Variants in MTPAP observed in about 807,000 individuals in gnomAD.
MTPAP encodes mitochondrial poly(A) polymerase, also known as poly(A) RNA polymerase, mitochondrial.
MTPAP carries 23 observed loss-of-function variants against 48.7 expected under a neutral mutation model. That is an observed-to-expected ratio of 0.47 (90% CI 0.34 to 0.67). MTPAP has a LOEUF of 0.67. MTPAP is among the 30% of genes least tolerant of loss of function. The pLI, the probability that MTPAP is intolerant of heterozygous loss-of-function variation, is 0.01. For synonymous variants in MTPAP, 257 were observed against 254.1 expected (o/e 1.01, Z -0.11); for missense variants, 614 against 694.3 (o/e 0.88, Z 1.30).
intron 5 of MTPAP, among the ~76,000 whole-genome samples, chr10:30,325,935 C>T (rs1399526243): frequency 3.3e-5 from 5 of 151,938 alleles, no homozygotes; most frequent in African/African-American, 1.2e-4. Flanking sequence ...ACTTTTGGAC[C>T]TAAGTAAAGG....
In MTPAP at chr10:30,316,038, T is replaced by C; in HGVS notation, c.1313-2A>G. 1 of 1,611,940 alleles carries C rather than the reference T, an allele frequency of 6.2e-7. No individual in the cohort carries two copies. The highest frequency in any genetic ancestry group is 8.5e-7 in the Non-Finnish European group (1 of 1,178,446). On this transcript the variant is annotated splice_acceptor_variant, in intron 7 of 8. Coordinates refer to ENST00000263063, the MANE Select transcript of MTPAP (RefSeq NM_018109.4). LOFTEE classifies it high-confidence loss of function. Reference sequence around the variant, plus strand: ...CAAAAAATTCCTTCAGTAGTAATTCTGTAAGAAAATAAAACAAGGACAATC... The same window carrying C: ...CAAAAAATTCCTTCAGTAGTAATTCCGTAAGAAAATAAAACAAGGACAATC...
chr10:30,320,012 G>A (rs1410006714), intron 6 of MTPAP, among the ~76,000 whole-genome samples: 1 of 152,220 alleles, frequency 6.6e-6, no homozygotes, highest in Non-Finnish European at 1.5e-5. Flanking sequence ...TAAAATCCCA[G>A]CACTTGGGGA....
At chr10:30,341,177 C>T (rs1037907817) in intron 2 of MTPAP, among the ~76,000 whole-genome samples, 13 of 151,120 alleles carry the variant, frequency 8.6e-5, no homozygotes, top group Non-Finnish European at 5.9e-5. Flanking sequence ...TACCTGCCAA[C>T]AGCCACTGCA....
At chr10:30,346,272 T>G (rs1834872768) in intron 1 of MTPAP, among the ~76,000 whole-genome samples, 1 of 152,070 alleles carries the variant, frequency 6.6e-6, no homozygotes, top group Non-Finnish European at 1.5e-5. Flanking sequence ...AAAATCCAAA[T>G]TTAAGGGGTA....
intron 6 of MTPAP, among the ~76,000 whole-genome samples, chr10:30,320,345 C>T (rs1178985226): frequency 1.3e-5 from 2 of 151,990 alleles, no homozygotes; most frequent in East Asian, 1.9e-4. Flanking sequence ...GGAAACATGG[C>T]GAGACCCCGT....
rs534052627 is a variant in MTPAP, at chr10:30,341,727, A to G, written c.158-87T>C. On this transcript the variant is annotated intron_variant, in intron 1 of 8. Transcript: ENST00000263063. ...GATAAGGTGTTTAAAGACTTCATAT[A>G]TGACTAAAACCAACTTCACCTAATC... 3.9e-4 allele frequency: 574 copies of G among 1,456,340 alleles called. 11 individuals carry two copies. In the South Asian group the frequency reaches 6.3e-3, roughly 16 times the overall value. 90.2% of individuals were successfully genotyped at this position (1,456,340 alleles called of 1,614,324 possible). A position where few individuals can be genotyped will look rare whatever the true frequency, so the allele number is the denominator to read the frequency against.
intron 2 of MTPAP, among the ~76,000 whole-genome samples, chr10:30,341,041 G>A (rs1018217981): frequency 2.0e-5 from 3 of 152,112 alleles, no homozygotes; most frequent in Non-Finnish European, 4.4e-5. Context: ...GCCTTCATCC[G>A]CAAGTTAAAG....
rs553526643 is a variant in MTPAP at position 30,314,418 on chromosome 10, G to A, written c.1387-447C>T. On this transcript the variant is annotated intron_variant, in intron 8 of 8. Coordinates refer to ENST00000263063, the MANE Select transcript of MTPAP (RefSeq NM_018109.4). ...AGCATACCTATTATGGTAGAAACAG[G>A]AACACACAAAATTAGAACCCTTAAA... Among the ~76,000 whole-genome samples the A allele has an allele frequency of 3.3e-5, 5 of 152,076 alleles. No individual in the cohort carries two copies. In the South Asian group the frequency reaches 1.0e-3, roughly 32 times the overall value.
Position 30,313,480 on chromosome 10 carries a change from A to C in MTPAP, c.*129T>G, listed in dbSNP as rs1840622808. The C allele has an allele frequency of 7.6e-7, 1 of 1,320,170 alleles. No homozygotes were observed. Among genetic ancestry groups the C allele is most frequent in the African/African-American group, 1.5e-5 (1 of 68,964 alleles). 81.8% of individuals were successfully genotyped at this position (1,320,170 alleles called of 1,614,324 possible). A position where few individuals can be genotyped will look rare whatever the true frequency, so the allele number is the denominator to read the frequency against. On this transcript the variant is annotated 3_prime_UTR_variant, in exon 9 of 9. Coordinates refer to ENST00000263063, the MANE Select transcript of MTPAP (RefSeq NM_018109.4). ...ACTTCAGACCAGGTTAAGGGGGCCA[A>C]TGAGAAGATCATGAAAAGTGACATC...
intron 1 of MTPAP, among the ~76,000 whole-genome samples, chr10:30,348,511 A>G (rs1834896812): frequency 6.6e-6 from 1 of 152,240 alleles, no homozygotes; most frequent in South Asian, 2.1e-4. Flanking sequence ...AGGTTCAATA[A>G]CACTGGCTTC....
intron 4 of MTPAP, among the ~76,000 whole-genome samples, chr10:30,336,051 C>T (rs1834727392): frequency 1.3e-5 from 2 of 151,808 alleles, no homozygotes; most frequent in African/African-American, 4.8e-5. Context: ...AGCAAAAGCA[C>T]AGAAAATAGG....
At position 30,311,505 on chromosome 10, in the gene MTPAP, G is replaced by C. The variant is rs560610244; in HGVS notation, c.*2104C>G. ...GTTAAAGAGAAGTAACATTTACTTCGCGCCAGGAAAATGCACTGACCTAGC... is the reference window on the plus strand; with the variant it reads ...GTTAAAGAGAAGTAACATTTACTTCCCGCCAGGAAAATGCACTGACCTAGC... On this transcript the variant is annotated 3_prime_UTR_variant, in exon 9 of 9. Coordinates refer to ENST00000263063, the MANE Select transcript of MTPAP (RefSeq NM_018109.4). The C allele has an allele frequency of 6.6e-6, 1 of 152,018 alleles. No individual in the cohort carries two copies. The highest frequency in any genetic ancestry group is 2.4e-5 in the African/African-American group (1 of 41,394). The allele number at this position is 152,018 out of a possible 1,614,324, so 9.4% of individuals were successfully genotyped here. A position where few individuals can be genotyped will look rare whatever the true frequency, so the allele number is the denominator to read the frequency against.
chr10:30,340,525 A>G (rs777418479), intron 2 of MTPAP, 75 bp from the exon 3 acceptor site: 63 of 1,047,866 alleles, frequency 6.0e-5, no homozygotes, highest in Admixed American at 5.0e-4. Flanking sequence ...TCATATATTA[A>G]AACAATTATC....
intron 4 of MTPAP, among the ~76,000 whole-genome samples, chr10:30,332,735 A>C (rs1434501377): frequency 6.6e-6 from 1 of 152,198 alleles, no homozygotes; most frequent in Admixed American, 6.5e-5. Flanking sequence ...CTATAATCTC[A>C]GCACTTTGGG....
intron 6 of MTPAP, 90 bp from the exon 7 acceptor site, chr10:30,316,300 C>T (rs569340998): frequency 1.8e-5 from 18 of 1,000,248 alleles, no homozygotes; most frequent in South Asian, 4.1e-5. Context: ...TGGAGTGTAG[C>T]GGCATGATCT....
intron 6 of MTPAP, among the ~76,000 whole-genome samples, chr10:30,321,671 AG>A (rs1840727442): frequency 6.6e-6 from 1 of 152,248 alleles, no homozygotes; most frequent in Non-Finnish European, 1.5e-5. Flanking sequence ...TTGCCTCTTA[AG>A]GTCATTTTAA....
At chr10:30,343,437 G>A (rs987902451) in intron 1 of MTPAP, among the ~76,000 whole-genome samples, 2 of 151,086 alleles carry the variant, frequency 1.3e-5, no homozygotes, top group Non-Finnish European at 2.9e-5. Context: ...AAATTCCAAA[G>A]AAATTAAATA....
chr10:30,321,011 C>T (rs1459369860), intron 6 of MTPAP, among the ~76,000 whole-genome samples: 1 of 152,104 alleles, frequency 6.6e-6, no homozygotes, highest in African/African-American at 2.4e-5. Flanking sequence ...TATGGCTTAC[C>T]TCTCCATTAG....
At chr10:30,328,882 A>C (rs1032482405) in intron 4 of MTPAP, among the ~76,000 whole-genome samples, 2 of 152,176 alleles carry the variant, frequency 1.3e-5, no homozygotes, top group Non-Finnish European at 2.9e-5. Flanking sequence ...ACAGAGAGAG[A>C]GAGCAATAAA....
Sources: gnomAD v4.1 joint callset for allele counts (sites outside exome capture counted in the v4.1 genomes callset) on GRCh38, gnomAD v4.1.1 for gene constraint, MANE v1.5 for transcripts, NCBI Gene and HGNC (gene_info 2026-07-23, HGNC 2026-07-21) for gene names.